ZNF223: variants seen among roughly 807,000 people sequenced by gnomAD.
The protein encoded by ZNF223 is Homo sapiens zinc finger protein 223.
Under a neutral mutation model 12.3 loss-of-function variants are expected in ZNF223, and 9 were observed. The observed-to-expected ratio is 0.73, with a 90% CI of 0.44 to 1.28. The LOEUF is 1.28. Ranked by LOEUF, ZNF223 falls within the 50% of genes most tolerant of loss-of-function variation. The pLI, the probability that ZNF223 is intolerant of heterozygous loss-of-function variation, is 0.00. For synonymous variants in ZNF223, 171 were observed against 195.2 expected (o/e 0.88, Z 1.03); for missense variants, 506 against 579.0 (o/e 0.87, Z 1.29).
At chr19:44,056,584 C>CCTT (rs1568512087) in intron 2 of ZNF223, among the ~76,000 whole-genome samples, 6 of 78,368 alleles carry the variant, frequency 7.7e-5, no homozygotes, top group Non-Finnish European at 1.4e-4. Flanking sequence ...AATGCCTCAC[C>CCTT]ATTTTTTTTT....
intron 1 of ZNF223, among the ~76,000 whole-genome samples, chr19:44,053,405 G>A (rs1160551154): frequency 1.3e-5 from 2 of 152,186 alleles, no homozygotes; most frequent in Non-Finnish European, 2.9e-5. Context: ...ATAAGTTTAA[G>A]GAAAGGAGTT....
intron 2 of ZNF223, 60 bp downstream of exon 2, chr19:44,055,251 T>A: frequency 6.3e-7 from 1 of 1,579,760 alleles, no homozygotes; most frequent in Non-Finnish European, 8.7e-7. Flanking sequence ...GATTGTTGTG[T>A]GTTTTTCTCT....
intron 4 of ZNF223, among the ~76,000 whole-genome samples, chr19:44,063,978 A>C (rs1441068762): frequency 6.6e-6 from 1 of 152,216 alleles, no homozygotes; most frequent in Non-Finnish European, 1.5e-5. Context: ...TTAACTCTCC[A>C]TCAGAAAAAT....
At chr19:44,060,047 A>G (rs374135308) in intron 2 of ZNF223, among the ~76,000 whole-genome samples, 1 of 152,178 alleles carries the variant, frequency 6.6e-6, no homozygotes, top group African/African-American at 2.4e-5. Flanking sequence ...GAATACTGAG[A>G]TTGGGGTTTC....
At chr19:44,057,564 C>G (rs138901660) in intron 2 of ZNF223, among the ~76,000 whole-genome samples, 196 of 152,126 alleles carry the variant, frequency 1.3e-3, no homozygotes, top group African/African-American at 4.5e-3. Flanking sequence ...TTCAAAATAC[C>G]GTATATTTCT....
In ZNF223 at chr19:44,067,346, CAG is replaced by C. The variant is rs1179913687; in HGVS notation, c.*70_*71del. The C allele has an allele frequency of 3.5e-6, 5 of 1,429,990 alleles. No homozygotes were observed. Among genetic ancestry groups the C allele is most frequent in the Non-Finnish European group, 3.8e-6 (4 of 1,039,062 alleles). The allele number at this position is 1,429,990 out of a possible 1,614,324, so 88.6% of individuals were successfully genotyped here. The stretch of plus-strand genomic sequence containing the variant: ...TGTATATGATGTATAATGATCAAAT[CAG>C]TGTAATTAGCACATTTATCACCTCA... On this transcript the variant is annotated 3_prime_UTR_variant, in exon 5 of 5. Transcript: ENST00000434772.
At position 44,052,212 on chromosome 19, in the gene ZNF223, G is replaced by T. The variant is rs571687232; in HGVS notation, c.-69+17G>T. 1.3e-5 allele frequency: 2 copies of T among 153,346 alleles called. No homozygotes were observed. Among genetic ancestry groups the T allele is most frequent in the South Asian group, 1.8e-4 (1 of 5,472 alleles). 9.5% of individuals were successfully genotyped at this position (153,346 alleles called of 1,614,324 possible). The stretch of plus-strand genomic sequence containing the variant: ...GGTTTAGAGGTGCGAGGGCGGGGAG[G>T]GTGTTTATTGTTCCCGTCAGCGGAG... On this transcript the variant is annotated intron_variant, in intron 1 of 4. Coordinates refer to ENST00000434772, the MANE Select transcript of ZNF223 (RefSeq NM_013361.6).
intron 4 of ZNF223, among the ~76,000 whole-genome samples, chr19:44,062,085 G>A (rs1272486839): frequency 6.6e-6 from 1 of 152,036 alleles, no homozygotes; most frequent in Non-Finnish European, 1.5e-5. Context: ...GTAAATATTT[G>A]GTATCCTGAT....
intron 2 of ZNF223, among the ~76,000 whole-genome samples, chr19:44,059,969 G>A (rs1490826483): frequency 7.2e-5 from 11 of 152,152 alleles, no homozygotes; most frequent in Admixed American, 5.9e-4. Context: ...CAGTTACCGC[G>A]GTGATCTGAA....
rs376031694 is a variant in ZNF223, at chr19:44,060,881, C to T, written c.235+40C>T. ...ACTGTGTGTCCTTGTTTGTGACTTCCATCTGTTTTACTTCTGTGCACGTCC... is the reference window on the plus strand; with the variant it reads ...ACTGTGTGTCCTTGTTTGTGACTTCTATCTGTTTTACTTCTGTGCACGTCC... On this transcript the variant is annotated intron_variant, in intron 4 of 4. Coordinates refer to ENST00000434772, the MANE Select transcript of ZNF223 (RefSeq NM_013361.6). 34 of 1,570,244 alleles carry T rather than the reference C, an allele frequency of 2.2e-5. No homozygotes were observed. In the Middle Eastern group the frequency reaches 8.4e-4, roughly 39 times the overall value.
In ZNF223 at chr19:44,066,538, G is replaced by A. The variant is rs750814354; in HGVS notation, c.710G>A (p.Cys237Tyr). 16 of 1,614,212 alleles carry A rather than the reference G, an allele frequency of 9.9e-6. No individual in the cohort carries two copies. The East Asian group carries it at 3.6e-4, about 36-fold the overall frequency. Residue 237 changes from cysteine (C) to tyrosine (Y), a missense_variant, in exon 5 of 5, where the codon TGT becomes TAT. Physicochemically the swap from Cys to Tyr is radical, Grantham distance 194. Transcript: ENST00000434772. Reference protein sequence around the residue: ...TGEKPFKCEQCGRGFRCRSAL... With the variant: ...TGEKPFKCEQYGRGFRCRSAL... The stretch of plus-strand genomic sequence containing the variant: ...GAGAAACCTTTCAAATGTGAACAAT[G>A]TGGGAGAGGCTTCAGATGTAGATCA...
chr19:44,062,988 AAAAGTT>A (rs1464309339), intron 4 of ZNF223, among the ~76,000 whole-genome samples: 1 of 152,246 alleles, frequency 6.6e-6, no homozygotes, highest in African/African-American at 2.4e-5. Context: ...TTAATTGTCA[AAAAGTT>A]AAAGGACAGG....
chr19:44,064,949 C>G (rs1051163682), intron 4 of ZNF223, among the ~76,000 whole-genome samples: 2 of 151,728 alleles, frequency 1.3e-5, no homozygotes, highest in African/African-American at 4.9e-5. Flanking sequence ...CATTACATAG[C>G]CATAATTGGT....
intron 4 of ZNF223, 77 bp downstream of exon 4, chr19:44,060,918 C>T (rs150466886): frequency 3.7e-4 from 503 of 1,367,744 alleles, no homozygotes; most frequent in Non-Finnish European, 5.0e-4. Context: ...ACTCCATTAC[C>T]TTCTTCTAAA....
At chr19:44,059,583 C>A (rs1976810311) in intron 2 of ZNF223, among the ~76,000 whole-genome samples, 1 of 152,188 alleles carries the variant, frequency 6.6e-6, no homozygotes, top group African/African-American at 2.4e-5. Flanking sequence ...GCTTCCAGGC[C>A]TCTGCTGCCA....
intron 2 of ZNF223, 170 bp from the exon 3 acceptor site, chr19:44,060,285 G>C: frequency 8.9e-7 from 1 of 1,118,628 alleles, no homozygotes; most frequent in Non-Finnish European, 1.3e-6. Flanking sequence ...GACAATCAAG[G>C]TGTGTCATTG....
Position 44,055,131 on chromosome 19 carries a change from A to G in ZNF223, c.-46A>G. 1.2e-6 allele frequency: 2 copies of G among 1,607,944 alleles called. No individual in the cohort carries two copies. The highest frequency in any genetic ancestry group is 1.7e-6 in the Non-Finnish European group (2 of 1,175,258). Reference sequence around the variant, plus strand: ...CAGGCACAATTCTGCTTTCCCTGGAACTGTGTCATTCAGGACTCTGCAAAT... The same window carrying G: ...CAGGCACAATTCTGCTTTCCCTGGAGCTGTGTCATTCAGGACTCTGCAAAT... On this transcript the variant is annotated 5_prime_UTR_variant, in exon 2 of 5. Coordinates refer to ENST00000434772, the MANE Select transcript of ZNF223 (RefSeq NM_013361.6).
chr19:44,056,361 C>CAAAAAAA (rs1227362311), intron 2 of ZNF223, among the ~76,000 whole-genome samples: 37 of 78,824 alleles, frequency 4.7e-4, no homozygotes, highest in African/African-American at 1.5e-3. Flanking sequence ...ACTAAAAATA[C>CAAAAAAA]AAAAAAAAAA....
chr19:44,067,066 C>T lies in ZNF223; in HGVS notation c.1238C>T (p.Ser413Leu). The change falls in exon 5 of 5, where the codon TCA becomes TTA. Residue 413 changes from serine to leucine, a missense_variant. Coordinates refer to ENST00000434772, the MANE Select transcript of ZNF223 (RefSeq NM_013361.6). Reference sequence around the variant, plus strand: ...TGTGGGAAGAGCTTTAGACAGGCCTCAAGTATTTTGAATCATAAGAGACTC... The same window carrying T: ...TGTGGGAAGAGCTTTAGACAGGCCTTAAGTATTTTGAATCATAAGAGACTC... ...DDCGKSFRQA[S>L]SILNHKRLHC... 2 of 1,613,570 alleles carry T rather than the reference C, an allele frequency of 1.2e-6. No homozygotes were observed. The highest frequency in any genetic ancestry group is 1.7e-4 in the Middle Eastern group (1 of 6,056).
Sources: allele counts gnomAD v4.1 joint callset (sites outside exome capture counted in the v4.1 genomes callset), GRCh38; gene constraint gnomAD v4.1.1; transcripts MANE v1.5; gene names NCBI Gene and HGNC (gene_info 2026-07-23, HGNC 2026-07-21).